ANXA11: variants seen among roughly 807,000 people sequenced by gnomAD.
ANXA11 encodes 56 kDa autoantigen.
A neutral mutation model predicts 64.7 loss-of-function variants in ANXA11; 57 were observed. The observed-to-expected ratio is 0.88, with a 90% confidence interval of 0.71 to 1.10. The LOEUF (loss-of-function observed/expected upper bound fraction) is 1.10. ANXA11 is among the 50% of genes least tolerant of loss of function. The pLI, the probability that ANXA11 is intolerant of heterozygous loss-of-function variation, is 0.00. For missense variants in ANXA11, 675 were observed against 670.7 expected (o/e 1.01, Z -0.07); for synonymous variants, 260 against 265.2 (o/e 0.98, Z 0.19).
intron 1 of ANXA11, among the ~76,000 whole-genome samples, chr10:80,185,869 A>G (rs936562951): frequency 3.9e-5 from 6 of 152,228 alleles, no homozygotes; most frequent in Non-Finnish European, 5.9e-5. Context: ...TATTTTAAGA[A>G]CAGAGCTTTA....
At chr10:80,195,262 A>C (rs1343581037) in intron 1 of ANXA11, among the ~76,000 whole-genome samples, 3 of 152,218 alleles carry the variant, frequency 2.0e-5, no homozygotes, top group Non-Finnish European at 4.4e-5. Flanking sequence ...AACCTTTCCA[A>C]ATATCCCTTA....
chr10:80,201,245 C>T (rs1191678273), intron 1 of ANXA11, among the ~76,000 whole-genome samples: 2 of 152,146 alleles, frequency 1.3e-5, no homozygotes, highest in Non-Finnish European at 2.9e-5. Context: ...CTCCATCCCA[C>T]GAAGCAGACT....
At chr10:80,168,833 G>A (rs559992866) in intron 5 of ANXA11, 136 bp downstream of exon 5, 52 of 1,049,056 alleles carry the variant, frequency 5.0e-5, no homozygotes, top group Admixed American at 7.3e-5. Flanking sequence ...CACTGCACCC[G>A]GCCGACACTA....
In ANXA11 at chr10:80,176,147, G is replaced by A. The variant is rs1341112206; in HGVS notation, c.-49C>T. ...TCCACTTCTGTAAGTCTCTTCCCCAGACACACACCTGTGTGAAATGTCATA... is the reference window on the plus strand; with the variant it reads ...TCCACTTCTGTAAGTCTCTTCCCCAAACACACACCTGTGTGAAATGTCATA... On this transcript the variant is annotated 5_prime_UTR_variant, in exon 2 of 16. Transcript: ENST00000422982. 6.6e-6 allele frequency: 1 copy of A among 152,188 alleles called. No individual in the cohort carries two copies. Among genetic ancestry groups the A allele is most frequent in the Non-Finnish European group, 1.5e-5 (1 of 68,044 alleles). 9.4% of individuals were successfully genotyped at this position (152,188 alleles called of 1,614,324 possible). A position where few individuals can be genotyped will look rare whatever the true frequency, so the allele number is the denominator to read the frequency against.
At chr10:80,177,029 C>T (rs1011520902) in intron 1 of ANXA11, among the ~76,000 whole-genome samples, 1 of 148,424 alleles carries the variant, frequency 6.7e-6, no homozygotes, top group Non-Finnish European at 1.5e-5. Context: ...ACCCAGGCTG[C>T]AGTGCAGTGG....
At chr10:80,158,338 G>A (rs996341301) in intron 13 of ANXA11, among the ~76,000 whole-genome samples, 1 of 152,182 alleles carries the variant, frequency 6.6e-6, no homozygotes, top group African/African-American at 2.4e-5. Context: ...TGTGGATGGT[G>A]ATGAGGAACT....
intron 15 of ANXA11, chr10:80,156,333 C>G (rs1209359552): frequency 2.2e-6 from 1 of 449,112 alleles, no homozygotes; most frequent in African/African-American, 2.0e-5. Context: ...CTCAGACTGC[C>G]CAGGTCCCAG....
intron 1 of ANXA11, among the ~76,000 whole-genome samples, chr10:80,177,671 TG>T (rs1165674819): frequency 6.6e-6 from 1 of 152,170 alleles, no homozygotes; most frequent in Non-Finnish European, 1.5e-5. Context: ...CTAGGCATCA[TG>T]TGGGTGCAGG....
chr10:80,168,458 T>C lies in ANXA11; in HGVS notation c.561+511A>G, dbSNP rs368196082. On this transcript the variant is annotated intron_variant, in intron 5 of 15. Coordinates refer to ENST00000422982, the MANE Select transcript of ANXA11 (RefSeq NM_145868.2). ...CACCAGGAGAAACAGGACAGCTCCC[T>C]TGGGCCTTAAGCAACACAACCCAGA... Among the ~76,000 whole-genome samples the C allele has an allele frequency of 9.2e-5, 14 of 152,278 alleles. No individual in the cohort carries two copies. The East Asian group carries it at 1.7e-3, about 19-fold the overall frequency.
rs772221499 is a variant in ANXA11 at position 80,172,892 on chromosome 10, A to C, written c.-8-23T>G. 1.9e-6 allele frequency: 3 copies of C among 1,611,428 alleles called. No homozygotes were observed. In the South Asian group the frequency reaches 3.3e-5, roughly 18 times the overall value. ...GATCTGGAAGAGAAGACGAAAGCACATTCAGGCTCTGCCTGAGAGCCCCTG... is the reference window on the plus strand; with the variant it reads ...GATCTGGAAGAGAAGACGAAAGCACCTTCAGGCTCTGCCTGAGAGCCCCTG... On this transcript the variant is annotated intron_variant, in intron 2 of 15. Transcript: ENST00000422982.
At chr10:80,173,873 C>T (rs1846070884) in intron 2 of ANXA11, among the ~76,000 whole-genome samples, 1 of 152,184 alleles carries the variant, frequency 6.6e-6, no homozygotes, top group Non-Finnish European at 1.5e-5. Context: ...ATTGTTAAAA[C>T]ACATTGCTGG....
At chr10:80,172,956 C>T in intron 2 of ANXA11, 87 bp from the exon 3 acceptor site, 1 of 1,157,090 alleles carries the variant, frequency 8.6e-7, no homozygotes, top group South Asian at 1.3e-5. Context: ...GGGCAGCCAC[C>T]ACCACAACTG....
chr10:80,192,579 T>A (rs1005289032), intron 1 of ANXA11, among the ~76,000 whole-genome samples: 19 of 152,000 alleles, frequency 1.3e-4, no homozygotes, highest in Admixed American at 7.2e-4. Flanking sequence ...AGCAAAAAGA[T>A]CAGCAAAGCA....
chr10:80,188,704 T>C (rs540550401), intron 1 of ANXA11, among the ~76,000 whole-genome samples: 1 of 143,552 alleles, frequency 7.0e-6, no homozygotes, highest in Non-Finnish European at 1.6e-5. Context: ...CTTGGATTAC[T>C]ATGAGGACTA....
At chr10:80,156,394 C>T (rs201220094) in intron 15 of ANXA11, 61 of 472,496 alleles carry the variant, frequency 1.3e-4, no homozygotes, top group Non-Finnish European at 2.4e-4. Flanking sequence ...AGTGCAGGCT[C>T]GGCTTGGCTC....
chr10:80,188,722 A>G (rs904392225), intron 1 of ANXA11, among the ~76,000 whole-genome samples: 9 of 152,066 alleles, frequency 5.9e-5, no homozygotes, highest in African/African-American at 2.2e-4. Context: ...CTAAAAGTAA[A>G]AAGAACAGGA....
chr10:80,156,602 C>G, intron 15 of ANXA11: 1 of 369,514 alleles, frequency 2.7e-6, no homozygotes, highest in Non-Finnish European at 5.4e-6. Flanking sequence ...CAACCTCTGT[C>G]TCCCGGGTTC....
intron 12 of ANXA11, among the ~76,000 whole-genome samples, chr10:80,160,477 G>A (rs1046010628): frequency 2.1e-4 from 32 of 152,122 alleles, no homozygotes; most frequent in Admixed American, 5.9e-4. Context: ...CAGAGCGGTC[G>A]CTGGGTTTTC....
chr10:80,195,890 A>G (rs1398928345), intron 1 of ANXA11: 3 of 152,448 alleles, frequency 2.0e-5, no homozygotes, highest in Admixed American at 6.5e-5. Flanking sequence ...ATAGCACAGG[A>G]AAGACCTGCC....
Sources: allele counts gnomAD v4.1 joint callset (sites outside exome capture counted in the v4.1 genomes callset), GRCh38; gene constraint gnomAD v4.1.1; transcripts MANE v1.5; gene names NCBI Gene and HGNC (gene_info 2026-07-23, HGNC 2026-07-21).